Variants in DNAH14 observed in about 807,000 individuals in gnomAD.
DNAH14 encodes dynein axonemal heavy chain 14.
A neutral mutation model predicts 520.9 loss-of-function variants in DNAH14; 478 were observed. The observed-to-expected ratio is 0.92, with a 90% CI of 0.85 to 0.99. The LOEUF (loss-of-function observed/expected upper bound fraction) is 0.99, where lower values mean the gene tolerates loss of function less well. Ranked by LOEUF, DNAH14 falls within the 50% of genes least tolerant of loss-of-function variation. DNAH14 has a pLI of 0.00. For missense variants in DNAH14, 4,831 were observed against 5,234.5 expected (o/e 0.92, Z 2.38); for synonymous variants, 1,581 against 1,757.2 (o/e 0.90, Z 2.51).
intron 31 of DNAH14, among the ~76,000 whole-genome samples, chr1:225,150,016 A>T (rs954266924): frequency 1.3e-5 from 2 of 152,198 alleles, no homozygotes; most frequent in Non-Finnish European, 2.9e-5. Context: ...TTGCCCATTC[A>T]GTATGATGTT....
At chr1:224,956,645 A>G (rs931270035) in intron 3 of DNAH14, among the ~76,000 whole-genome samples, 1 of 152,140 alleles carries the variant, frequency 6.6e-6, no homozygotes, top group Non-Finnish European at 1.5e-5. Flanking sequence ...ACATGACTGT[A>G]TTTCTTCCTA....
At chr1:225,335,018 G>A (rs2094888234) in intron 66 of DNAH14, among the ~76,000 whole-genome samples, 1 of 148,322 alleles carries the variant, frequency 6.7e-6, no homozygotes, top group South Asian at 2.1e-4. Context: ...ATACTTATAT[G>A]TATATATACA....
rs1372886162 is a variant in DNAH14, at chr1:225,389,863, C to T, written c.13320C>T (p.Phe4440=). Residue 4440 remains phenylalanine, a synonymous_variant, in exon 83 of 86, where the codon TTC becomes TTT. Coordinates refer to ENST00000682510, the MANE Select transcript of DNAH14 (RefSeq NM_001367479.1). The part of the protein sequence containing the change: ...FPSRYWLPAF[F]FPQAFLAAVL... ...CAAGATACTGGCTCCCAGCTTTCTT[C>T]TTTCCACAAGGTGAGCATTAGAACC... 1.7e-5 allele frequency: 27 copies of T among 1,551,582 alleles called. No homozygotes were observed. The East Asian group carries it at 2.7e-4, about 15-fold the overall frequency.
chr1:225,199,355 G>C (rs935326954), intron 38 of DNAH14, among the ~76,000 whole-genome samples: 1 of 151,418 alleles, frequency 6.6e-6, no homozygotes, highest in Middle Eastern at 3.2e-3. Context: ...CTCTGATCTC[G>C]GTTATTTTCT....
chr1:224,965,714 A>G (rs1289092769), intron 5 of DNAH14, among the ~76,000 whole-genome samples: 2 of 152,158 alleles, frequency 1.3e-5, no homozygotes, highest in Admixed American at 6.6e-5. Flanking sequence ...CATATTATCA[A>G]GTTCCTAACC....
chr1:224,936,082 T>G (rs753641584), intron 1 of DNAH14, among the ~76,000 whole-genome samples: 3 of 151,780 alleles, frequency 2.0e-5, no homozygotes, highest in Non-Finnish European at 4.4e-5. Flanking sequence ...AATGGGGAAT[T>G]TTATAGCAAT....
At position 225,127,846 on chromosome 1, in the gene DNAH14, A is replaced by C. The variant is rs753118829; in HGVS notation, c.4254+4232A>C. ...TGGCATGATTTTGCAGCGGCTGGTA[A>C]CAGTTGTTCCTTTCCATGTTTAGTG... is the stretch of plus-strand genomic sequence containing the variant. On this transcript the variant is annotated intron_variant, in intron 27 of 85. Coordinates refer to ENST00000682510, the MANE Select transcript of DNAH14 (RefSeq NM_001367479.1). Among the ~76,000 whole-genome samples, 119 of 152,220 alleles carry C rather than the reference A, an allele frequency of 7.8e-4. 1 individual carries two copies. Among genetic ancestry groups the C allele is most frequent in the Non-Finnish European group, 1.4e-3 (94 of 68,004 alleles).
chr1:225,173,576 G>A (rs2082955369), intron 36 of DNAH14, among the ~76,000 whole-genome samples: 1 of 152,204 alleles, frequency 6.6e-6, no homozygotes, highest in Admixed American at 6.5e-5. Flanking sequence ...TTTCACACCA[G>A]TTAGAATGGT....
intron 17 of DNAH14, among the ~76,000 whole-genome samples, chr1:225,057,426 G>T (rs2069274926): frequency 6.6e-6 from 1 of 152,138 alleles, no homozygotes; most frequent in African/African-American, 2.4e-5. Flanking sequence ...AGGAGATTTT[G>T]GGCTGAGACA....
At chr1:225,389,681 GGT>G in intron 82 of DNAH14, 51 bp from the exon 83 acceptor site, 1 of 1,537,958 alleles carries the variant, frequency 6.5e-7, no homozygotes, top group Non-Finnish European at 8.8e-7. Flanking sequence ...ATCACCCAAA[GGT>G]GTGCAATTAT....
At chr1:225,066,456 AC>A (rs1030902383) in intron 17 of DNAH14, among the ~76,000 whole-genome samples, 3 of 151,798 alleles carry the variant, frequency 2.0e-5, no homozygotes, top group African/African-American at 7.3e-5. Context: ...TAGAAGTTTT[AC>A]AGTTTTCAGT....
At chr1:224,980,779 G>A (rs1282875028) in intron 8 of DNAH14, among the ~76,000 whole-genome samples, 1 of 151,952 alleles carries the variant, frequency 6.6e-6, no homozygotes, top group Non-Finnish European at 1.5e-5. Context: ...ACATACATCC[G>A]ACCCAGTGCA....
At chr1:224,945,258 G>T (rs2059720591) in intron 1 of DNAH14, among the ~76,000 whole-genome samples, 1 of 151,862 alleles carries the variant, frequency 6.6e-6, no homozygotes, top group Admixed American at 6.6e-5. Context: ...TTCCATCACG[G>T]ATACTCTTCC....
chr1:225,324,503 CAGATGTCA>C (rs2150226650), intron 63 of DNAH14, 150 bp downstream of exon 63: 1 of 1,149,288 alleles, frequency 8.7e-7, no homozygotes, highest in East Asian at 2.6e-5. Flanking sequence ...CTAACTCACA[CAGATGTCA>C]AGTGCTCCCA....
intron 20 of DNAH14, among the ~76,000 whole-genome samples, chr1:225,085,119 A>G (rs1221522915): frequency 1.3e-5 from 2 of 152,172 alleles, no homozygotes; most frequent in African/African-American, 2.4e-5. Context: ...TTATTCTTTA[A>G]CACCATCGAG....
At chr1:224,964,795 T>C (rs2061058044) in intron 5 of DNAH14, among the ~76,000 whole-genome samples, 186 bp downstream of exon 5, 1 of 152,136 alleles carries the variant, frequency 6.6e-6, no homozygotes, top group Non-Finnish European at 1.5e-5. Flanking sequence ...AAATGGAGAA[T>C]AGATAAAGCA....
intron 10 of DNAH14, among the ~76,000 whole-genome samples, chr1:225,008,575 C>CTTTTTTTTTTTTTTTTT (rs57331050): frequency 9.2e-5 from 9 of 98,316 alleles, no homozygotes; most frequent in Non-Finnish European, 1.3e-4. Context: ...TTTTTCCTGA[C>CTTTTTTTTTTTTTTTTT]TTTTTTTTTT....
Position 225,346,288 on chromosome 1 carries a change from AT to A in DNAH14, c.11008del (p.Ser3670GlnfsTer13). ...SPKEVHEFIS[I>X]SKEPNLENEK... ...AAAAGAAGTTCATGAGTTTATAAGT[AT>A]TTCAAAAGAACCCAACCTGGAAAAT... On this transcript the variant is annotated frameshift_variant, in exon 70 of 86. Coordinates refer to ENST00000682510, the MANE Select transcript of DNAH14 (RefSeq NM_001367479.1). LOFTEE classifies it high-confidence loss of function. 6.5e-7 allele frequency: 1 copy of A among 1,549,028 alleles called. No homozygotes were observed. The highest frequency in any genetic ancestry group is 8.7e-7 in the Non-Finnish European group (1 of 1,146,352).
chr1:225,134,200 A>G (rs892717799), intron 27 of DNAH14, among the ~76,000 whole-genome samples: 8 of 152,098 alleles, frequency 5.3e-5, no homozygotes, highest in Admixed American at 4.6e-4. Flanking sequence ...CTTTCTTCCT[A>G]TTTGAATACC....
Sources: allele counts gnomAD v4.1 joint callset (sites outside exome capture counted in the v4.1 genomes callset), GRCh38; gene constraint gnomAD v4.1.1; transcripts MANE v1.5; gene names NCBI Gene and HGNC (gene_info 2026-07-23, HGNC 2026-07-21).